Variants in DIAPH3 observed in about 807,000 individuals in gnomAD.
DIAPH3 encodes diaphanous related formin 3.
Under a neutral mutation model 144.3 loss-of-function variants are expected in DIAPH3, and 117 were observed. That is an observed-to-expected ratio of 0.81 (90% CI 0.70 to 0.95). DIAPH3 has a LOEUF of 0.95. Among genes scored for constraint, DIAPH3 ranks in the 40% least tolerant of loss-of-function variants. DIAPH3 has a pLI of 0.00. For missense variants in DIAPH3, 1,421 were observed against 1,412.7 expected, an observed-to-expected ratio of 1.01 and a Z score of -0.09; for synonymous variants, 519 against 488.9, an observed-to-expected ratio of 1.06 and a Z score of -0.81.
intron 3 of DIAPH3, 108 bp downstream of exon 3, chr13:60,111,902 G>T: frequency 9.3e-7 from 1 of 1,079,444 alleles, no homozygotes; most frequent in African/African-American, 1.6e-5. Flanking sequence ...AGTGACATCA[G>T]AAATTAGCCT....
intron 17 of DIAPH3, among the ~76,000 whole-genome samples, chr13:59,938,808 A>T (rs2048381940): frequency 6.6e-6 from 1 of 152,154 alleles, no homozygotes; most frequent in South Asian, 2.1e-4. Flanking sequence ...GAGAGAGTAG[A>T]GAATGGGGAG....
intron 9 of DIAPH3, among the ~76,000 whole-genome samples, chr13:60,000,731 A>G (rs1412973360): frequency 6.6e-6 from 1 of 152,200 alleles, no homozygotes; most frequent in East Asian, 1.9e-4. Context: ...CAAGCTTCCC[A>G]TCTTTTCCTT....
At chr13:59,828,297 A>C (rs2041569796) in intron 24 of DIAPH3, among the ~76,000 whole-genome samples, 1 of 152,088 alleles carries the variant, frequency 6.6e-6, no homozygotes, top group Non-Finnish European at 1.5e-5. Flanking sequence ...AAAAGAACAC[A>C]TTTCATGTTT....
chr13:59,824,437 A>G (rs1003705639), intron 24 of DIAPH3, among the ~76,000 whole-genome samples: 21 of 152,206 alleles, frequency 1.4e-4, no homozygotes, highest in African/African-American at 5.1e-4. Flanking sequence ...CAGAACTTGC[A>G]TCTCAACTAC....
At chr13:60,079,604 C>T (rs2057483223) in intron 4 of DIAPH3, among the ~76,000 whole-genome samples, 2 of 151,664 alleles carry the variant, frequency 1.3e-5, no homozygotes, top group Non-Finnish European at 2.9e-5. Context: ...TATTGGTCTA[C>T]TCAAAACATA....
chr13:59,893,550 G>A (rs1593864856), intron 20 of DIAPH3, among the ~76,000 whole-genome samples: 1 of 152,076 alleles, frequency 6.6e-6, no homozygotes, highest in Non-Finnish European at 1.5e-5. Context: ...ATCCCTGAAT[G>A]CAATTCCAGC....
intron 27 of DIAPH3, among the ~76,000 whole-genome samples, chr13:59,677,562 T>C (rs1408561024): frequency 6.6e-6 from 1 of 152,202 alleles, no homozygotes; most frequent in Non-Finnish European, 1.5e-5. Context: ...ATCAAATGTG[T>C]ATTTCATACT....
intron 1 of DIAPH3, among the ~76,000 whole-genome samples, chr13:60,133,646 C>G (rs1294589405): frequency 2.6e-5 from 4 of 152,066 alleles, no homozygotes; most frequent in African/African-American, 4.8e-5. Flanking sequence ...GCTAGACAAA[C>G]ATAAGACCAT....
At chr13:59,781,331 G>T (rs760752638) in intron 25 of DIAPH3, among the ~76,000 whole-genome samples, 9 of 152,170 alleles carry the variant, frequency 5.9e-5, no homozygotes, top group Non-Finnish European at 1.2e-4. Context: ...AATCAGACAA[G>T]GATAGAAAAT....
chr13:60,139,766 A>G (rs2138297945), intron 1 of DIAPH3, among the ~76,000 whole-genome samples: 1 of 152,334 alleles, frequency 6.6e-6, no homozygotes, highest in Admixed American at 6.5e-5. Context: ...TTTTTCCTTG[A>G]ATGAACTCAT....
chr13:59,822,034 A>G (rs1247889209), intron 24 of DIAPH3, among the ~76,000 whole-genome samples: 1 of 152,182 alleles, frequency 6.6e-6, no homozygotes, highest in Non-Finnish European at 1.5e-5. Context: ...TCAGGGATGT[A>G]ACATTACTGG....
At chr13:59,900,697 T>C (rs749137305) in intron 20 of DIAPH3, among the ~76,000 whole-genome samples, 7 of 152,200 alleles carry the variant, frequency 4.6e-5, no homozygotes, top group Admixed American at 1.3e-4. Flanking sequence ...AGTGATTTCA[T>C]CCACTCCTAT....
intron 24 of DIAPH3, among the ~76,000 whole-genome samples, chr13:59,824,249 T>G (rs911755306): frequency 1.3e-5 from 2 of 152,212 alleles, no homozygotes; most frequent in African/African-American, 4.8e-5. Context: ...TGTACATGGC[T>G]AACTTGTTTT....
At chr13:59,781,310 A>G (rs565197128) in intron 25 of DIAPH3, among the ~76,000 whole-genome samples, 4 of 152,262 alleles carry the variant, frequency 2.6e-5, no homozygotes, top group Non-Finnish European at 5.9e-5. Flanking sequence ...TGAAGAAATG[A>G]TTATGTTGCT....
At chr13:59,774,387 A>C (rs1442017018) in intron 26 of DIAPH3, 139 bp from the exon 27 acceptor site, 8 of 729,138 alleles carry the variant, frequency 1.1e-5, no homozygotes, top group Non-Finnish European at 1.9e-5. Context: ...AAATACTTGA[A>C]GCAGTAATGT....
intron 2 of DIAPH3, among the ~76,000 whole-genome samples, chr13:60,122,687 T>G (rs532830816): frequency 3.8e-4 from 58 of 152,278 alleles, no homozygotes; most frequent in Admixed American, 7.8e-4. Flanking sequence ...CCAGGTGTTA[T>G]GCCTTTTATA....
intron 24 of DIAPH3, among the ~76,000 whole-genome samples, chr13:59,813,929 G>A (rs1362926725): frequency 5.9e-5 from 9 of 151,906 alleles, no homozygotes; most frequent in Admixed American, 3.3e-4. Flanking sequence ...AGACAAGTGA[G>A]TATATCTGTA....
intron 2 of DIAPH3, among the ~76,000 whole-genome samples, chr13:60,119,821 G>A (rs1182800381): frequency 6.7e-6 from 1 of 150,196 alleles, no homozygotes. Flanking sequence ...GGGGCAACTC[G>A]TTATATACCA....
intron 27 of DIAPH3, among the ~76,000 whole-genome samples, chr13:59,674,694 A>G (rs954047002): frequency 2.0e-5 from 3 of 152,146 alleles, no homozygotes; most frequent in Admixed American, 1.3e-4. Flanking sequence ...TGGCCTCCCT[A>G]AACATTCCTA....
Sources: allele counts gnomAD v4.1 joint callset (sites outside exome capture counted in the v4.1 genomes callset), GRCh38; gene constraint gnomAD v4.1.1; transcripts MANE v1.5; gene names NCBI Gene and HGNC (gene_info 2026-07-23, HGNC 2026-07-21).